SPAG16: variants seen among roughly 807,000 people sequenced by gnomAD.
SPAG16 encodes sperm-associated antigen 16 protein.
In SPAG16, 86 loss-of-function variants were observed where a neutral mutation model predicts 80.4. The observed-to-expected ratio is 1.07, with a 90% CI of 0.90 to 1.28. The LOEUF (loss-of-function observed/expected upper bound fraction) is 1.28, where lower values mean the gene tolerates loss of function less well. SPAG16 is among the 50% of genes most tolerant of loss of function. The pLI, the probability that SPAG16 is intolerant of heterozygous loss-of-function variation, is 0.00. For missense variants in SPAG16, 870 were observed against 765.3 expected (o/e 1.14, Z -1.61); for synonymous variants, 294 against 265.9 (o/e 1.11, Z -1.03).
intron 10 of SPAG16, among the ~76,000 whole-genome samples, chr2:213,670,246 T>C (rs2063768603): frequency 6.6e-6 from 1 of 152,100 alleles, no homozygotes; most frequent in East Asian, 1.9e-4. Context: ...TCTGCCTGGC[T>C]CAGCCTCCCA....
At chr2:214,225,015 T>G (rs2058668965) in intron 15 of SPAG16, among the ~76,000 whole-genome samples, 1 of 152,146 alleles carries the variant, frequency 6.6e-6, no homozygotes, top group Admixed American at 6.6e-5. Context: ...TTTGTTCATT[T>G]TTATTGAATA....
chr2:214,192,136 C>G (rs1162561332), intron 15 of SPAG16, among the ~76,000 whole-genome samples: 2 of 152,106 alleles, frequency 1.3e-5, no homozygotes, highest in Non-Finnish European at 2.9e-5. Flanking sequence ...AAGTTTATGA[C>G]AATTTGAACA....
intron 10 of SPAG16, among the ~76,000 whole-genome samples, chr2:213,753,615 C>T (rs1206246716): frequency 6.6e-6 from 1 of 152,174 alleles, no homozygotes; most frequent in Non-Finnish European, 1.5e-5. Context: ...AAGCAGGAAA[C>T]TGTAAACAGG....
At chr2:214,174,885 C>G (rs1473040954) in intron 15 of SPAG16, among the ~76,000 whole-genome samples, 6 of 151,674 alleles carry the variant, frequency 4.0e-5, no homozygotes, top group East Asian at 1.9e-4. Flanking sequence ...TAAATAACCA[C>G]TTCATTCAGT....
chr2:213,718,165 A>AAG (rs1163336616), intron 10 of SPAG16, among the ~76,000 whole-genome samples: 91 of 151,304 alleles, frequency 6.0e-4, no homozygotes, highest in Non-Finnish European at 9.9e-4. Context: ...AAAAAAAAAA[A>AAG]AAAAGAAAAC....
chr2:214,105,278 G>T (rs1477174115), intron 13 of SPAG16, among the ~76,000 whole-genome samples: 1 of 152,076 alleles, frequency 6.6e-6, no homozygotes, highest in African/African-American at 2.4e-5. Context: ...GAGAAGTAAG[G>T]GTGGATATGT....
In SPAG16 at chr2:214,136,496, C is replaced by T. The variant is rs149055220; in HGVS notation, c.1594-12644C>T. Among the ~76,000 whole-genome samples the T allele has an allele frequency of 2.4e-3, 370 of 152,252 alleles. 1 individual carries two copies. Among genetic ancestry groups the T allele is most frequent in the African/African-American group, 8.7e-3 (361 of 41,542 alleles). Reference sequence around the variant, plus strand: ...TGTAGTGCTGTGTTGTGTACTTTAGCTGCTCGGTAATTATTTTTGAGATTT... The same window carrying T: ...TGTAGTGCTGTGTTGTGTACTTTAGTTGCTCGGTAATTATTTTTGAGATTT... On this transcript the variant is annotated intron_variant, in intron 14 of 15. Coordinates refer to ENST00000331683, the MANE Select transcript of SPAG16 (RefSeq NM_024532.5).
At chr2:213,379,373 CA>C (rs2067049310) in intron 9 of SPAG16, among the ~76,000 whole-genome samples, 1 of 152,202 alleles carries the variant, frequency 6.6e-6, no homozygotes, top group African/African-American at 2.4e-5. Flanking sequence ...ATTGTGACTT[CA>C]AAAGGCAATT....
intron 15 of SPAG16, among the ~76,000 whole-genome samples, chr2:214,169,089 G>A (rs2056778865): frequency 6.6e-6 from 1 of 151,918 alleles, no homozygotes; most frequent in South Asian, 2.1e-4. Flanking sequence ...TTGTAGGTTA[G>A]AACATTATCA....
intron 15 of SPAG16, among the ~76,000 whole-genome samples, chr2:214,326,619 G>C (rs1036547087): frequency 6.6e-6 from 1 of 152,120 alleles, no homozygotes; most frequent in Non-Finnish European, 1.5e-5. Flanking sequence ...CAGCATGATA[G>C]AGGTATTTGT....
intron 11 of SPAG16, 37 bp downstream of exon 11, chr2:213,862,665 T>C (rs986140095): frequency 6.2e-7 from 1 of 1,607,672 alleles, no homozygotes; most frequent in Non-Finnish European, 8.5e-7. Flanking sequence ...GCCTAATCTC[T>C]CTAGGAATGT....
At chr2:214,009,421 T>C (rs762734318) in intron 12 of SPAG16, among the ~76,000 whole-genome samples, 3 of 152,324 alleles carry the variant, frequency 2.0e-5, no homozygotes, top group Non-Finnish European at 4.4e-5. Flanking sequence ...ATTCCTGTGC[T>C]ATGTTTAGTT....
At chr2:213,923,582 G>A (rs1489156696) in intron 11 of SPAG16, among the ~76,000 whole-genome samples, 4 of 152,280 alleles carry the variant, frequency 2.6e-5, no homozygotes, top group African/African-American at 7.2e-5. Flanking sequence ...ATCATGTGTC[G>A]CTTGCCTGGC....
rs2044162620 is a variant in SPAG16, at chr2:213,956,746, T to A, written c.1400+26601T>A. On this transcript the variant is annotated intron_variant, in intron 12 of 15. Coordinates refer to ENST00000331683, the MANE Select transcript of SPAG16 (RefSeq NM_024532.5). ...GATTACAGGTGTGAGCCACCACGCC[T>A]GGACTTACTTGATTTTTAATGTATG... Among the ~76,000 whole-genome samples the A allele has an allele frequency of 2.0e-5, 3 of 152,082 alleles. No individual in the cohort carries two copies. The South Asian group carries it at 6.2e-4, about 31-fold the overall frequency.
intron 15 of SPAG16, among the ~76,000 whole-genome samples, chr2:214,378,557 A>T (rs1700263482): frequency 6.6e-6 from 1 of 152,182 alleles, no homozygotes; most frequent in African/African-American, 2.4e-5. Context: ...CACTTTTATC[A>T]GGAAAGAGCC....
intron 15 of SPAG16, among the ~76,000 whole-genome samples, chr2:214,260,789 C>G (rs1182927605): frequency 6.6e-6 from 1 of 151,980 alleles, no homozygotes; most frequent in Non-Finnish European, 1.5e-5. Flanking sequence ...TTGCCTCTCT[C>G]CTGGCACCAT....
At chr2:213,872,199 A>G (rs1208167692) in intron 11 of SPAG16, among the ~76,000 whole-genome samples, 1 of 152,122 alleles carries the variant, frequency 6.6e-6, no homozygotes, top group Non-Finnish European at 1.5e-5. Flanking sequence ...TGGTCAGAGT[A>G]AGAGTGATGT....
chr2:214,318,646 G>A (rs562078514), intron 15 of SPAG16, among the ~76,000 whole-genome samples: 2 of 152,170 alleles, frequency 1.3e-5, no homozygotes, highest in East Asian at 1.9e-4. Flanking sequence ...AAAGTGCTGG[G>A]ATGACAGGCA....
chr2:213,492,324 T>C (rs1024351802), intron 10 of SPAG16, among the ~76,000 whole-genome samples: 12 of 152,008 alleles, frequency 7.9e-5, no homozygotes, highest in East Asian at 1.9e-4. Flanking sequence ...GAGGCTGAGG[T>C]GGGCAGATCA....
Sources: gnomAD v4.1 joint callset for allele counts (sites outside exome capture counted in the v4.1 genomes callset) on GRCh38, gnomAD v4.1.1 for gene constraint, MANE v1.5 for transcripts, NCBI Gene and HGNC (gene_info 2026-07-23, HGNC 2026-07-21) for gene names.